DNM3: variants seen among roughly 807,000 people sequenced by gnomAD.
The protein encoded by DNM3 is dynamin 3.
In DNM3, 47 loss-of-function variants were observed where a neutral mutation model predicts 101.6. The observed-to-expected ratio is 0.46, with a 90% CI of 0.37 to 0.59. The LOEUF is 0.59. Among genes scored for constraint, DNM3 ranks in the 20% least tolerant of loss-of-function variants. The pLI is 0.00. For missense variants in DNM3, 849 were observed against 1,085.7 expected (o/e 0.78, Z 3.06); for synonymous variants, 385 against 387.9 (o/e 0.99, Z 0.09).
At chr1:172,132,858 C>G (rs1046718855) in intron 14 of DNM3, 4 of 788,350 alleles carry the variant, frequency 5.1e-6, no homozygotes, top group Admixed American at 4.1e-5. Context: ...TTAAAAAAGT[C>G]TTTTCTACAG....
chr1:171,970,813 A>T (rs1198286262), intron 2 of DNM3, among the ~76,000 whole-genome samples: 1 of 148,274 alleles, frequency 6.7e-6, no homozygotes, highest in Non-Finnish European at 1.5e-5. Context: ...GATTTTTTTA[A>T]AATTTCTTCT....
intron 1 of DNM3, among the ~76,000 whole-genome samples, chr1:171,870,366 T>C (rs2035154581): frequency 6.6e-6 from 1 of 152,076 alleles, no homozygotes; most frequent in Non-Finnish European, 1.5e-5. Context: ...CATTGTGATC[T>C]AGCTGAAGAC....
chr1:172,239,800 C>CTTTTTT (rs71107343), intron 14 of DNM3, among the ~76,000 whole-genome samples: 2 of 108,374 alleles, frequency 1.8e-5, no homozygotes, highest in Non-Finnish European at 1.7e-5. Flanking sequence ...TTTTTTTTCT[C>CTTTTTT]TTTTTTTTTT....
intron 15 of DNM3, among the ~76,000 whole-genome samples, chr1:172,257,349 CAT>C (rs2062447068): frequency 6.6e-6 from 1 of 152,084 alleles, no homozygotes; most frequent in East Asian, 1.9e-4. Flanking sequence ...TATTTTATCA[CAT>C]GAGCATTAAA....
intron 13 of DNM3, among the ~76,000 whole-genome samples, chr1:172,126,646 G>C (rs1156859463): frequency 6.6e-6 from 1 of 152,072 alleles, no homozygotes; most frequent in Non-Finnish European, 1.5e-5. Context: ...AGTAAGATCA[G>C]GCAATTTATT....
intron 11 of DNM3, among the ~76,000 whole-genome samples, chr1:172,079,773 T>A (rs1023260966): frequency 1.3e-5 from 2 of 152,156 alleles, no homozygotes; most frequent in Non-Finnish European, 2.9e-5. Flanking sequence ...CTACCTTTGG[T>A]CTTTGATGTT....
chr1:172,164,409 G>T (rs182131640), intron 14 of DNM3, among the ~76,000 whole-genome samples: 1 of 151,670 alleles, frequency 6.6e-6, no homozygotes, highest in East Asian at 1.9e-4. Context: ...TATGGTTGCT[G>T]AGGATGCAAT....
At chr1:171,874,001 C>T (rs1263664219) in intron 1 of DNM3, among the ~76,000 whole-genome samples, 1 of 152,166 alleles carries the variant, frequency 6.6e-6, no homozygotes, top group African/African-American at 2.4e-5. Context: ...GAGAAGACCT[C>T]TTGCCACAGC....
At chr1:172,291,636 T>G (rs948913039) in intron 15 of DNM3, among the ~76,000 whole-genome samples, 10 of 152,164 alleles carry the variant, frequency 6.6e-5, no homozygotes, top group African/African-American at 2.4e-4. Flanking sequence ...AAAATGTATG[T>G]AGTAGTAATC....
At position 172,211,676 on chromosome 1, in the gene DNM3, T is replaced by C. The variant is rs78299330; in HGVS notation, c.1660-41897T>C. Among the ~76,000 whole-genome samples the C allele has an allele frequency of 8.9e-3, 1,349 of 152,244 alleles. 16 individuals are homozygous for C. The highest frequency in any genetic ancestry group is 0.029 in the African/African-American group (1,207 of 41,564). On this transcript the variant is annotated intron_variant, in intron 14 of 20. Coordinates refer to ENST00000627582, the MANE Select transcript of DNM3 (RefSeq NM_015569.5). The stretch of plus-strand genomic sequence containing the variant: ...TACATAATGTCTAGTTTAAAACAAT[T>C]TTTTTACATTGATGGGTTAGATGAA...
chr1:172,083,701 C>A (rs971089145), intron 12 of DNM3, among the ~76,000 whole-genome samples: 1 of 151,664 alleles, frequency 6.6e-6, no homozygotes, highest in African/African-American at 2.4e-5. Flanking sequence ...CTTCTTGAAA[C>A]TTTTTTTTTC....
intron 2 of DNM3, among the ~76,000 whole-genome samples, chr1:171,980,593 T>C (rs2044714597): frequency 6.6e-6 from 1 of 152,098 alleles, no homozygotes. Context: ...CCCCAACCTC[T>C]CCCTATCTCC....
At chr1:172,144,442 G>A in intron 14 of DNM3, 1 of 287,564 alleles carries the variant, frequency 3.5e-6, no homozygotes, top group South Asian at 3.6e-5. Flanking sequence ...CAAAACCTGT[G>A]AAGAAAAACA....
At chr1:172,054,258 C>G (rs2125882724) in intron 10 of DNM3, among the ~76,000 whole-genome samples, 1 of 152,308 alleles carries the variant, frequency 6.6e-6, no homozygotes, top group Middle Eastern at 3.4e-3. Flanking sequence ...AAACACAAAG[C>G]TAGACTCCTA....
chr1:172,072,463 G>C (rs1261971961), intron 11 of DNM3, among the ~76,000 whole-genome samples: 1 of 152,160 alleles, frequency 6.6e-6, no homozygotes, highest in Non-Finnish European at 1.5e-5. Context: ...TTGGTCAGAT[G>C]ACTGGTTGAG....
At chr1:171,940,218 G>C (rs1466563284) in intron 2 of DNM3, among the ~76,000 whole-genome samples, 1 of 152,110 alleles carries the variant, frequency 6.6e-6, no homozygotes, top group African/African-American at 2.4e-5. Context: ...AAATAATTGT[G>C]TTAGTTTAAT....
chr1:172,211,366 G>A (rs978722472), intron 14 of DNM3, among the ~76,000 whole-genome samples: 9 of 152,156 alleles, frequency 5.9e-5, no homozygotes, highest in Middle Eastern at 3.4e-3. Flanking sequence ...AAGGCCCAGC[G>A]CAGGATCCCT....
At chr1:171,986,443 A>T (rs370945135) in intron 2 of DNM3, among the ~76,000 whole-genome samples, 12 of 151,366 alleles carry the variant, frequency 7.9e-5, no homozygotes, top group African/African-American at 2.9e-4. Context: ...TGTATGTAAG[A>T]CTCTTTTATC....
intron 14 of DNM3, among the ~76,000 whole-genome samples, chr1:172,217,114 A>G (rs2060727931): frequency 1.3e-5 from 2 of 152,160 alleles, no homozygotes; most frequent in Admixed American, 6.6e-5. Context: ...CACTATAATT[A>G]TAGTCCACAA....
Sources: allele counts gnomAD v4.1 joint callset (sites outside exome capture counted in the v4.1 genomes callset), GRCh38; gene constraint gnomAD v4.1.1; transcripts MANE v1.5; gene names NCBI Gene and HGNC (gene_info 2026-07-23, HGNC 2026-07-21).